PEX11A: variants seen among roughly 807,000 people sequenced by gnomAD.
The protein encoded by PEX11A is peroxisomal membrane protein 11A.
PEX11A carries 13 observed loss-of-function variants against 14.4 expected under a neutral mutation model. The observed-to-expected ratio is 0.90, with a 90% CI of 0.59 to 1.43. PEX11A has a LOEUF of 1.43. Among genes scored for constraint, PEX11A ranks in the 40% most tolerant of loss-of-function variants. PEX11A has a pLI of 0.00. For missense variants in PEX11A, 290 were observed against 302.8 expected (o/e 0.96, Z 0.31); for synonymous variants, 101 against 113.0 (o/e 0.89, Z 0.67).
At chr15:89,690,552 C>A in intron 1 of PEX11A, 25 bp downstream of exon 1, 4 of 1,542,842 alleles carry the variant, frequency 2.6e-6, no homozygotes, top group Middle Eastern at 1.7e-4. Flanking sequence ...GAGAAAGGGG[C>A]GGAGGCCGCT....
intron 2 of PEX11A, among the ~76,000 whole-genome samples, chr15:89,684,244 C>A (rs1420651080): frequency 2.0e-5 from 3 of 152,144 alleles, no homozygotes; most frequent in African/African-American, 7.2e-5. Context: ...AAAGGCTCAG[C>A]CTTTGTTCAG....
rs954481088 is a variant in PEX11A, at chr15:89,689,712, T to G, written c.56+865A>C. ...CCCACTGTATTTCCCCCCAATCCAG[T>G]TGGTGTGGTCTCATCCCCGCTATAT... On this transcript the variant is annotated intron_variant, in intron 1 of 2. Coordinates refer to ENST00000300056, the MANE Select transcript of PEX11A (RefSeq NM_003847.3). Among the ~76,000 whole-genome samples the G allele has an allele frequency of 2.6e-5, 4 of 152,176 alleles. No individual in the cohort carries two copies. The East Asian group carries it at 5.8e-4, about 22-fold the overall frequency.
intron 1 of PEX11A, chr15:89,687,931 C>T (rs1964701094): frequency 1.9e-6 from 1 of 517,656 alleles, no homozygotes; most frequent in East Asian, 4.9e-5. Flanking sequence ...AAAGATGATA[C>T]TTAGAACTGG....
rs1323187808 is a variant in PEX11A at position 89,686,483 on chromosome 15, C to T, written c.120G>A (p.Lys40=). ...CCAGTTTCTTGAGCTTCATTACCACCTTCTCTTTGCCAGCTTTGGGCTCTA... is the reference window on the plus strand; with the variant it reads ...CCAGTTTCTTGAGCTTCATTACCACTTTCTCTTTGCCAGCTTTGGGCTCTA... ...YLLEPKAGKE[K]VVMKLKKLES... Residue 40 remains lysine (K), a synonymous_variant, in exon 2 of 3, where the codon AAG becomes AAA. Coordinates refer to ENST00000300056, the MANE Select transcript of PEX11A (RefSeq NM_003847.3). 1.9e-6 allele frequency: 3 copies of T among 1,608,204 alleles called. No individual in the cohort carries two copies. The highest frequency in any genetic ancestry group is 3.3e-4 in the Middle Eastern group (2 of 6,054).
chr15:89,687,130 G>C (rs900592393), intron 1 of PEX11A, among the ~76,000 whole-genome samples: 4 of 151,984 alleles, frequency 2.6e-5, no homozygotes, highest in Non-Finnish European at 4.4e-5. Flanking sequence ...TGCCATTTTG[G>C]TCATGGCTGG....
chr15:89,690,237 T>C (rs1964794764), intron 1 of PEX11A, among the ~76,000 whole-genome samples: 1 of 152,008 alleles, frequency 6.6e-6, no homozygotes, highest in Non-Finnish European at 1.5e-5. Flanking sequence ...GAATGTTGAG[T>C]GGAGAGAACC....
Position 89,683,617 on chromosome 15 carries a change from G to A in PEX11A, c.504C>T (p.Ser168=), listed in dbSNP as rs35830428. ...KSASQDPLWF[S]VAEEETEWLQ... ...GCCATTCTGTTTCCTCCTCAGCCAC[G>A]CTGAACCAAAGAGGATCCTGGGATG... Residue 168 remains serine, a synonymous_variant, in exon 3 of 3, where the codon AGC becomes AGT. Transcript: ENST00000300056. The A allele has an allele frequency of 0.044, 71,013 of 1,614,050 alleles. 1,811 individuals carry two copies. The highest frequency in any genetic ancestry group is 0.074 in the Middle Eastern group (451 of 6,062).
rs1407676470 is a variant in PEX11A at position 89,686,562 on chromosome 15, A to T, written c.57-16T>A. 2.7e-6 allele frequency: 3 copies of T among 1,092,176 alleles called. No individual in the cohort carries two copies. The highest frequency in any genetic ancestry group is 4.1e-6 in the Non-Finnish European group (3 of 723,670). 67.7% of individuals were successfully genotyped at this position (1,092,176 alleles called of 1,614,324 possible). Reference sequence around the variant, plus strand: ...CTGAGTGGCTCTGAAATGGAAAAAAAAAAATTGAGAAGAATGATTTACAAA... The same window carrying T: ...CTGAGTGGCTCTGAAATGGAAAAAATAAAATTGAGAAGAATGATTTACAAA... On this transcript the variant is annotated splice_polypyrimidine_tract_variant and intron_variant, in intron 1 of 2. Transcript: ENST00000300056.
In PEX11A at chr15:89,683,942, C is replaced by T; in HGVS notation, c.179G>A (p.Arg60Lys). 1 of 1,605,788 alleles carries T rather than the reference C, an allele frequency of 6.2e-7. No individual in the cohort carries two copies. Among genetic ancestry groups the T allele is most frequent in the Non-Finnish European group, 8.5e-7 (1 of 1,174,278 alleles). Residue 60 changes from arginine to lysine, a missense_variant, in exon 3 of 3, where the codon AGA (arginine) becomes AAA (lysine). Arg to Lys is a conservative substitution (Grantham distance 26, BLOSUM62 2). Coordinates refer to ENST00000300056, the MANE Select transcript of PEX11A (RefSeq NM_003847.3). ...SSVSTGRKWF[R>K]LGNVVHAIQA... ...TATAGCATGTACCACATTGCCTAGT[C>T]TGAACCCTGCAAGTAGAACCCACAA...
chr15:89,690,510 C>A, intron 1 of PEX11A, 67 bp downstream of exon 1: 1 of 1,213,410 alleles, frequency 8.2e-7, no homozygotes. Context: ...TTCCCGGGTG[C>A]AGGGGAATAG....
At chr15:89,690,541 C>T in intron 1 of PEX11A, 36 bp downstream of exon 1, 3 of 1,518,374 alleles carry the variant, frequency 2.0e-6, no homozygotes, top group Non-Finnish European at 2.7e-6. Flanking sequence ...CGAGTTAGGG[C>T]GAGAAAGGGG....
In PEX11A at chr15:89,683,518, G is replaced by A. The variant is rs1413152598; in HGVS notation, c.603C>T (p.Asn201=). Residue 201 remains asparagine, a synonymous_variant, in exon 3 of 3, where the codon AAC becomes AAT. Coordinates refer to ENST00000300056, the MANE Select transcript of PEX11A (RefSeq NM_003847.3). ...CCAAAGGGTTCAGGATATCACAAAG[G>A]TTCTTCACTGTGTCCAGGAGCAAGG... ...HPPLLLDTVK[N]LCDILNPLDQ... The A allele has an allele frequency of 6.2e-7, 1 of 1,614,170 alleles. No individual in the cohort carries two copies. The highest frequency in any genetic ancestry group is 1.3e-5 in the African/African-American group (1 of 75,058).
intron 1 of PEX11A, among the ~76,000 whole-genome samples, chr15:89,687,199 A>G (rs1964691297): frequency 6.6e-6 from 1 of 152,118 alleles, no homozygotes; most frequent in African/African-American, 2.4e-5. Context: ...CTGGGATTGC[A>G]GGCATAAGCT....
chr15:89,683,641 T>G lies in PEX11A; in HGVS notation c.480A>C (p.Ala160=), dbSNP rs562275577. The change falls in exon 3 of 3, where the codon GCA becomes GCC. Residue 160 remains alanine (A), a synonymous_variant. Transcript: ENST00000300056. ...CGCTGAACCAAAGAGGATCCTGGGA[T>G]GCTGATTTCTCTTTCTTTGCCCTGT... ...TCDRAKKEKS[A]SQDPLWFSVA... The G allele has an allele frequency of 6.2e-7, 1 of 1,614,188 alleles. No individual in the cohort carries two copies.
chr15:89,688,809 G>A (rs1964724025), intron 1 of PEX11A, among the ~76,000 whole-genome samples: 1 of 151,848 alleles, frequency 6.6e-6, no homozygotes, highest in African/African-American at 2.4e-5. Flanking sequence ...TTTGCCTCCT[G>A]GGCTCATGCC....
chr15:89,690,180 C>G (rs1226395095), intron 1 of PEX11A, among the ~76,000 whole-genome samples: 2 of 152,174 alleles, frequency 1.3e-5, no homozygotes, highest in African/African-American at 4.8e-5. Flanking sequence ...GCTTCCCTAG[C>G]CACAAATACT....
chr15:89,685,241 T>C (rs2141549756), intron 2 of PEX11A, among the ~76,000 whole-genome samples: 1 of 151,304 alleles, frequency 6.6e-6, no homozygotes, highest in Non-Finnish European at 1.5e-5. Context: ...TGTTTTGTAT[T>C]ATGTTATCAA....
chr15:89,685,203 C>CAAAA (rs869275308), intron 2 of PEX11A, among the ~76,000 whole-genome samples: 42 of 24,198 alleles, frequency 1.7e-3, no homozygotes, highest in Middle Eastern at 0.028. Context: ...GACTCCATCT[C>CAAAA]AAAAAAAAAA....
chr15:89,690,309 G>A (rs1231113178), intron 1 of PEX11A, among the ~76,000 whole-genome samples: 1 of 152,230 alleles, frequency 6.6e-6, no homozygotes, highest in African/African-American at 2.4e-5. Context: ...CCGGTGTCCC[G>A]TCGTCGGCGG....
Sources: gnomAD v4.1 joint callset for allele counts (sites outside exome capture counted in the v4.1 genomes callset) on GRCh38, gnomAD v4.1.1 for gene constraint, MANE v1.5 for transcripts, NCBI Gene and HGNC (gene_info 2026-07-23, HGNC 2026-07-21) for gene names.